KCNMA1: variants seen among roughly 807,000 people sequenced by gnomAD.
KCNMA1 encodes potassium calcium-activated channel subfamily M alpha 1.
KCNMA1 carries 29 observed loss-of-function variants against 140.0 expected under a neutral mutation model. The observed-to-expected ratio is 0.21, with a 90% confidence interval of 0.15 to 0.28. The LOEUF (loss-of-function observed/expected upper bound fraction) is 0.28. Ranked by LOEUF, KCNMA1 falls within the 10% of genes least tolerant of loss-of-function variation. The probability of loss-of-function intolerance (pLI) is 1.00; values close to 1 mark genes in which losing one functional copy is unlikely to be tolerated. For missense variants in KCNMA1, 880 were observed against 1,602.2 expected, an observed-to-expected ratio of 0.55 and a Z score of 7.70; for synonymous variants, 612 against 611.9, an observed-to-expected ratio of 1.00 and a Z score of 0.00.
At chr10:77,455,229 C>T (rs535172765) in intron 1 of KCNMA1, among the ~76,000 whole-genome samples, 4 of 152,276 alleles carry the variant, frequency 2.6e-5, no homozygotes, top group African/African-American at 9.6e-5. Context: ...GGCAGCTACC[C>T]TTACTCCTAC....
intron 2 of KCNMA1, among the ~76,000 whole-genome samples, chr10:77,259,181 G>A (rs1214695659): frequency 6.6e-6 from 1 of 152,078 alleles, no homozygotes; most frequent in Non-Finnish European, 1.5e-5. Flanking sequence ...CCAAACAACG[G>A]ATTAAGTAGA....
intron 1 of KCNMA1, among the ~76,000 whole-genome samples, chr10:77,475,059 C>G (rs2098247855): frequency 6.6e-6 from 1 of 152,130 alleles, no homozygotes; most frequent in Non-Finnish European, 1.5e-5. Flanking sequence ...TTGACTCTTT[C>G]CTGGAGCTAG....
intron 1 of KCNMA1, among the ~76,000 whole-genome samples, chr10:77,427,720 C>CATTCATTT (rs1555326486): frequency 2.8e-4 from 19 of 68,018 alleles, no homozygotes; most frequent in African/African-American, 1.9e-3. Context: ...TCCATCCATT[C>CATTCATTT]ATTTATTTAT....
intron 2 of KCNMA1, among the ~76,000 whole-genome samples, chr10:77,391,669 C>G (rs1404346624): frequency 1.3e-5 from 2 of 151,924 alleles, no homozygotes; most frequent in Admixed American, 6.6e-5. Flanking sequence ...AAGCCTCACT[C>G]TGGACCCAGA....
intron 24 of KCNMA1, chr10:76,913,766 A>G: frequency 5.8e-6 from 2 of 344,760 alleles, no homozygotes; most frequent in East Asian, 4.8e-5. Context: ...TGGGGAAAAA[A>G]GGCTCAGGCC....
At chr10:77,505,216 C>T (rs182967352) in intron 1 of KCNMA1, among the ~76,000 whole-genome samples, 42 of 152,316 alleles carry the variant, frequency 2.8e-4, no homozygotes, top group African/African-American at 9.6e-4. Context: ...AAGTTTCTCA[C>T]CAGCAGGAAC....
At chr10:77,401,576 T>C (rs2096268318) in intron 2 of KCNMA1, among the ~76,000 whole-genome samples, 1 of 152,212 alleles carries the variant, frequency 6.6e-6, no homozygotes, top group Non-Finnish European at 1.5e-5. Flanking sequence ...TTTTTCCTGC[T>C]CCTCACTTTG....
In KCNMA1 at chr10:77,637,606, C is replaced by A; in HGVS notation, c.37G>T (p.Gly13Cys). Residue 13 changes from glycine to cysteine, a missense_variant, in exon 1 of 28, where the codon GGC becomes TGC. By Grantham distance (159) the Gly-to-Cys change is radical (BLOSUM62 -3). Coordinates refer to ENST00000286628, the MANE Select transcript of KCNMA1 (RefSeq NM_001161352.2). ...NGGGGGGGSS[G>C]GGGGGGGSSL... ...CTGCCTCCGCCGCCGCCGCCGCCGC[C>A]GCTGCTGCCGCCGCCGCCGCCGCCA... 6.6e-7 allele frequency: 1 copy of A among 1,506,154 alleles called. No individual in the cohort carries two copies. The highest frequency in any genetic ancestry group is 8.9e-7 in the Non-Finnish European group (1 of 1,129,248). The allele number at this position is 1,506,154 out of a possible 1,614,324, so 93.3% of individuals were successfully genotyped here. A position where few individuals can be genotyped will look rare whatever the true frequency, so the allele number is the denominator to read the frequency against.
At chr10:77,441,242 T>C (rs2097393023) in intron 1 of KCNMA1, among the ~76,000 whole-genome samples, 1 of 152,026 alleles carries the variant, frequency 6.6e-6, no homozygotes, top group African/African-American at 2.4e-5. Context: ...CTTTGCCTTA[T>C]AAGTAATAGG....
intron 1 of KCNMA1, among the ~76,000 whole-genome samples, chr10:77,573,196 A>T (rs1014842915): frequency 7.9e-5 from 12 of 152,222 alleles, no homozygotes; most frequent in African/African-American, 1.2e-4. Context: ...CTTCACTCTG[A>T]TTCTCAGAAG....
chr10:77,217,539 T>C (rs779876937), intron 3 of KCNMA1: 3 of 456,512 alleles, frequency 6.6e-6, no homozygotes, highest in Non-Finnish European at 1.3e-5. Context: ...TATGTTGGTT[T>C]GCCATGAAGT....
Position 77,550,799 on chromosome 10 carries a change from C to T in KCNMA1, c.378+86466G>A, listed in dbSNP as rs144080391. On this transcript the variant is annotated intron_variant, in intron 1 of 27. Transcript: ENST00000286628. ...CTAGAAGCAGTGTGAAAATAAGACT[C>T]TGAGGTTGTCCAGGTGGGGGGCTAT... Among the ~76,000 whole-genome samples the T allele has an allele frequency of 7.9e-5, 12 of 152,284 alleles. 1 individual carries two copies. Among genetic ancestry groups the T allele is most frequent in the African/African-American group, 2.9e-4 (12 of 41,560 alleles).
At chr10:76,962,831 G>A (rs1269478740) in intron 20 of KCNMA1, among the ~76,000 whole-genome samples, 1 of 152,138 alleles carries the variant, frequency 6.6e-6, no homozygotes, top group East Asian at 1.9e-4. Flanking sequence ...CACTCTTCAA[G>A]CAGTCAACAG....
chr10:77,400,255 C>T (rs1002392965), intron 2 of KCNMA1, among the ~76,000 whole-genome samples: 4 of 152,186 alleles, frequency 2.6e-5, no homozygotes, highest in South Asian at 2.1e-4. Context: ...CTCAGGATAC[C>T]GCCTGGAGCT....
chr10:77,028,323 C>T (rs999758887), intron 15 of KCNMA1, among the ~76,000 whole-genome samples: 1 of 151,984 alleles, frequency 6.6e-6, no homozygotes, highest in African/African-American at 2.4e-5. Flanking sequence ...CCGAGCAGAC[C>T]CCTGTGTGCT....
intron 3 of KCNMA1, among the ~76,000 whole-genome samples, chr10:77,227,913 G>A (rs922657809): frequency 4.6e-5 from 7 of 151,768 alleles, no homozygotes; most frequent in Non-Finnish European, 8.8e-5. Flanking sequence ...ATTAAATGAG[G>A]TGATACTTAC....
At chr10:77,471,812 A>G (rs556854937) in intron 1 of KCNMA1, among the ~76,000 whole-genome samples, 3 of 152,124 alleles carry the variant, frequency 2.0e-5, no homozygotes, top group African/African-American at 7.2e-5. Flanking sequence ...CACGCAGCAC[A>G]CACATACTAT....
At chr10:76,957,076 C>T (rs975806158) in intron 20 of KCNMA1, among the ~76,000 whole-genome samples, 13 of 137,052 alleles carry the variant, frequency 9.5e-5, no homozygotes, top group Admixed American at 9.0e-4. Flanking sequence ...TGCAGTGAGC[C>T]GAGATCACGC....
At chr10:77,565,278 C>A (rs760400958) in intron 1 of KCNMA1, among the ~76,000 whole-genome samples, 1 of 152,134 alleles carries the variant, frequency 6.6e-6, no homozygotes, top group African/African-American at 2.4e-5. Context: ...TAGAGGACAA[C>A]GCGGATGGTA....
Sources: allele counts gnomAD v4.1 joint callset (sites outside exome capture counted in the v4.1 genomes callset), GRCh38; gene constraint gnomAD v4.1.1; transcripts MANE v1.5; gene names NCBI Gene and HGNC (gene_info 2026-07-23, HGNC 2026-07-21).